GPR158: variants seen among roughly 807,000 people sequenced by gnomAD.
GPR158 encodes metabotropic glycine receptor.
Under a neutral mutation model 78.2 loss-of-function variants are expected in GPR158, and 30 were observed. The ratio of observed to expected loss-of-function variants is 0.38; its 90% CI spans 0.29 to 0.52. GPR158 has a LOEUF of 0.52. GPR158 is among the 20% of genes least tolerant of loss of function. The pLI is 0.83. For missense variants in GPR158, 1,463 were observed against 1,523.5 expected, an observed-to-expected ratio of 0.96 and a Z score of 0.66; for synonymous variants, 581 against 591.1, an observed-to-expected ratio of 0.98 and a Z score of 0.25.
intron 2 of GPR158, among the ~76,000 whole-genome samples, chr10:25,346,567 A>G (rs558914610): frequency 2.6e-5 from 4 of 152,056 alleles, no homozygotes; most frequent in African/African-American, 9.6e-5. Context: ...TGTTCCTTAT[A>G]GATTTTCTGG....
intron 2 of GPR158, among the ~76,000 whole-genome samples, chr10:25,293,231 C>T (rs771009682): frequency 2.6e-4 from 40 of 152,162 alleles, no homozygotes; most frequent in Non-Finnish European, 5.1e-4. Flanking sequence ...GTTACTTATT[C>T]TCTACTTTTA....
chr10:25,504,801 C>T (rs1835989968), intron 5 of GPR158, among the ~76,000 whole-genome samples: 1 of 152,072 alleles, frequency 6.6e-6, no homozygotes, highest in African/African-American at 2.4e-5. Flanking sequence ...TTCATTCTAT[C>T]ATGTTATCAT....
At position 25,426,304 on chromosome 10, in the gene GPR158, G is replaced by A. The variant is rs142017988; in HGVS notation, c.1335+13831G>A. On this transcript the variant is annotated intron_variant, in intron 4 of 10. Coordinates refer to ENST00000376351, the MANE Select transcript of GPR158 (RefSeq NM_020752.3). ...AGGCTATTTTGCTTTCTTAACATTC[G>A]TATGTTCACTGGAGTAGCACTTTTA... 4.9e-4 allele frequency among the ~76,000 whole-genome samples: 74 copies of A among 152,146 alleles called. 2 individuals carry two copies. The East Asian group carries it at 9.5e-3, about 19-fold the overall frequency.
chr10:25,335,144 A>G lies in GPR158; in HGVS notation c.1009-60767A>G, dbSNP rs188989285. Among the ~76,000 whole-genome samples, 28 of 152,238 alleles carry G rather than the reference A, an allele frequency of 1.8e-4. No homozygotes were observed. The East Asian group carries it at 5.4e-3, about 29-fold the overall frequency. On this transcript the variant is annotated intron_variant, in intron 2 of 10. Coordinates refer to ENST00000376351, the MANE Select transcript of GPR158 (RefSeq NM_020752.3). ...CAGATTCTTGTGATGTTATGTTTCTAGAATAATCCAACAAACTTTTGAGTT... is the reference window on the plus strand; with the variant it reads ...CAGATTCTTGTGATGTTATGTTTCTGGAATAATCCAACAAACTTTTGAGTT...
Position 25,572,634 on chromosome 10 carries a change from CT to C in GPR158, c.1515-11del. The C allele has an allele frequency of 6.6e-7, 1 of 1,519,478 alleles. No individual in the cohort carries two copies. The allele number at this position is 1,519,478 out of a possible 1,614,324, so 94.1% of individuals were successfully genotyped here. A position where few individuals can be genotyped will look rare whatever the true frequency, so the allele number is the denominator to read the frequency against. On this transcript the variant is annotated splice_polypyrimidine_tract_variant and intron_variant, in intron 6 of 10. Coordinates refer to ENST00000376351, the MANE Select transcript of GPR158 (RefSeq NM_020752.3). ...TGTTAGGTTTGCTTTCACATTTGAA[CT>C]TTTGCTTTTCTAGGGTTTTGAAGGT...
intron 6 of GPR158, among the ~76,000 whole-genome samples, chr10:25,561,485 T>C (rs1163957628): frequency 1.3e-5 from 2 of 152,214 alleles, no homozygotes; most frequent in African/African-American, 2.4e-5. Context: ...CATCTGCTTA[T>C]TGTTTGAAAT....
chr10:25,286,555 A>G (rs1389871513), intron 2 of GPR158, among the ~76,000 whole-genome samples: 2 of 151,904 alleles, frequency 1.3e-5, no homozygotes, highest in African/African-American at 4.8e-5. Context: ...TATGTGTGTG[A>G]TATTTGTATT....
At chr10:25,430,178 T>G (rs1225574049) in intron 4 of GPR158, among the ~76,000 whole-genome samples, 1 of 152,116 alleles carries the variant, frequency 6.6e-6, no homozygotes, top group Non-Finnish European at 1.5e-5. Context: ...GGATACAAAA[T>G]CAACATGCAA....
At chr10:25,564,885 A>G (rs757204355) in intron 6 of GPR158, among the ~76,000 whole-genome samples, 2 of 152,140 alleles carry the variant, frequency 1.3e-5, no homozygotes, top group Non-Finnish European at 2.9e-5. Context: ...GGACTGATAG[A>G]CTTTTGAAGT....
intron 4 of GPR158, among the ~76,000 whole-genome samples, chr10:25,430,417 G>A (rs926989833): frequency 2.2e-4 from 33 of 150,632 alleles, no homozygotes; most frequent in South Asian, 6.4e-4. Flanking sequence ...AATCAATATC[G>A]TGAAAATGGC....
At chr10:25,184,564 A>G (rs1267679892) in intron 1 of GPR158, among the ~76,000 whole-genome samples, 2 of 152,262 alleles carry the variant, frequency 1.3e-5, no homozygotes, top group Admixed American at 6.5e-5. Context: ...TACACAAAAT[A>G]TTGTGCTAGA....
chr10:25,570,411 G>C (rs971334203), intron 6 of GPR158, among the ~76,000 whole-genome samples: 1 of 152,152 alleles, frequency 6.6e-6, no homozygotes, highest in Admixed American at 6.5e-5. Context: ...GATAGTTAGA[G>C]TTCATTGTTC....
chr10:25,235,053 C>A (rs1853501839), intron 2 of GPR158, among the ~76,000 whole-genome samples: 1 of 152,068 alleles, frequency 6.6e-6, no homozygotes, highest in East Asian at 1.9e-4. Context: ...TTTATTGCCC[C>A]CTGTGTAATG....
At chr10:25,574,240 T>C (rs1837057248) in intron 7 of GPR158, among the ~76,000 whole-genome samples, 1 of 150,546 alleles carries the variant, frequency 6.6e-6, no homozygotes, top group African/African-American at 2.4e-5. Flanking sequence ...TTTTTATGCA[T>C]TGGAATTGAG....
intron 2 of GPR158, among the ~76,000 whole-genome samples, chr10:25,259,551 T>A (rs1361920604): frequency 4.6e-5 from 7 of 152,180 alleles, no homozygotes; most frequent in Admixed American, 4.6e-4. Flanking sequence ...AAGTTCCTTG[T>A]GATTCTTCCT....
intron 6 of GPR158, among the ~76,000 whole-genome samples, chr10:25,571,784 AGTT>A (rs1837012737): frequency 6.6e-6 from 1 of 152,196 alleles, no homozygotes; most frequent in Non-Finnish European, 1.5e-5. Context: ...CTAATCTAGT[AGTT>A]CTCAACTCTG....
intron 6 of GPR158, among the ~76,000 whole-genome samples, chr10:25,557,509 T>C (rs1836801275): frequency 6.6e-6 from 1 of 152,186 alleles, no homozygotes; most frequent in South Asian, 2.1e-4. Context: ...GATGAGATAG[T>C]TCCCTCTGCT....
At chr10:25,413,848 T>G (rs1032802370) in intron 4 of GPR158, among the ~76,000 whole-genome samples, 1 of 152,222 alleles carries the variant, frequency 6.6e-6, no homozygotes, top group Non-Finnish European at 1.5e-5. Context: ...AGTCAGCAAG[T>G]AAGTGCAGAC....
chr10:25,474,572 A>G (rs1835554783), intron 5 of GPR158, among the ~76,000 whole-genome samples: 1 of 152,172 alleles, frequency 6.6e-6, no homozygotes, highest in Non-Finnish European at 1.5e-5. Flanking sequence ...CTTTCTTGAC[A>G]ACACTTGTTT....
Sources: gnomAD v4.1 joint callset for allele counts (sites outside exome capture counted in the v4.1 genomes callset) on GRCh38, gnomAD v4.1.1 for gene constraint, MANE v1.5 for transcripts, NCBI Gene and HGNC (gene_info 2026-07-23, HGNC 2026-07-21) for gene names.